Variants in AFAP1 observed in about 807,000 individuals in gnomAD.
AFAP1 encodes actin filament associated protein 1.
In AFAP1, 75 loss-of-function variants were observed where a neutral mutation model predicts 93.9. That is an observed-to-expected ratio of 0.80 (90% CI 0.66 to 0.97). The LOEUF is 0.97. Ranked by LOEUF, AFAP1 falls within the 50% of genes least tolerant of loss-of-function variation. AFAP1 has a pLI of 0.00. For missense variants in AFAP1, 1,201 were observed against 1,050.8 expected (o/e 1.14, Z -1.98); for synonymous variants, 517 against 430.7 (o/e 1.20, Z -2.48).
At chr4:7,923,105 A>ATC (rs1480595349) in intron 1 of AFAP1, among the ~76,000 whole-genome samples, 32 of 150,556 alleles carry the variant, frequency 2.1e-4, no homozygotes, top group African/African-American at 7.6e-4. Context: ...AGAGAGGGAA[A>ATC]AGAGAAATTA....
chr4:7,801,125 T>G (rs1039720526), intron 9 of AFAP1, among the ~76,000 whole-genome samples: 7 of 152,142 alleles, frequency 4.6e-5, no homozygotes, highest in Non-Finnish European at 4.4e-5. Flanking sequence ...AAACAAAAAC[T>G]ATCTAAAAAT....
At chr4:7,853,614 C>T (rs955628153) in intron 4 of AFAP1, among the ~76,000 whole-genome samples, 12 of 152,266 alleles carry the variant, frequency 7.9e-5, no homozygotes, top group South Asian at 2.1e-4. Context: ...CAACTGCACA[C>T]GCCCTCAATT....
intron 1 of AFAP1, among the ~76,000 whole-genome samples, chr4:7,927,996 T>C (rs543552300): frequency 1.3e-5 from 2 of 152,318 alleles, no homozygotes; most frequent in East Asian, 1.9e-4. Context: ...GTATGATCTA[T>C]ACTATACAAA....
intron 1 of AFAP1, among the ~76,000 whole-genome samples, chr4:7,877,668 T>C (rs1717592954): frequency 2.0e-5 from 3 of 152,110 alleles, no homozygotes. Flanking sequence ...CAAACCTGAG[T>C]CCAAAAGCCC....
intron 10 of AFAP1, among the ~76,000 whole-genome samples, chr4:7,794,878 T>G (rs1355946771): frequency 1.3e-5 from 2 of 152,194 alleles, no homozygotes; most frequent in Non-Finnish European, 2.9e-5. Flanking sequence ...TTTAGTGGTA[T>G]TTGAAATCTT....
At chr4:7,774,987 C>A (rs977246111) in intron 14 of AFAP1, 84 bp from the exon 15 acceptor site, 2 of 1,510,550 alleles carry the variant, frequency 1.3e-6, no homozygotes, top group Admixed American at 2.0e-5. Context: ...ACAAAAAATA[C>A]AAAATTAGCC....
intron 4 of AFAP1, among the ~76,000 whole-genome samples, chr4:7,851,855 G>A (rs944941995): frequency 6.6e-6 from 1 of 152,132 alleles, no homozygotes; most frequent in Non-Finnish European, 1.5e-5. Flanking sequence ...CTTCCATCAT[G>A]AAGAGATCAT....
intron 17 of AFAP1, among the ~76,000 whole-genome samples, chr4:7,766,641 CAG>C (rs539508218): frequency 1.2e-3 from 174 of 146,824 alleles, no homozygotes; most frequent in Non-Finnish European, 2.2e-3. Context: ...GAGAGGGTAA[CAG>C]AATCTCCAGG....
At chr4:7,864,421 A>G (rs903316207) in intron 3 of AFAP1, among the ~76,000 whole-genome samples, 1 of 152,232 alleles carries the variant, frequency 6.6e-6, no homozygotes, top group South Asian at 2.1e-4. Context: ...ACTAGCCCAA[A>G]GCCAATTCAT....
chr4:7,901,939 C>T (rs1189448838), intron 1 of AFAP1, among the ~76,000 whole-genome samples: 1 of 152,152 alleles, frequency 6.6e-6, no homozygotes, highest in Non-Finnish European at 1.5e-5. Flanking sequence ...TAGTGGAATG[C>T]ACCCCTCATT....
chr4:7,763,780 C>T lies in AFAP1; in HGVS notation c.2430G>A (p.Leu810=), dbSNP rs760997372. 28 of 1,551,558 alleles carry T rather than the reference C, an allele frequency of 1.8e-5. No individual in the cohort carries two copies. The South Asian group carries it at 3.1e-4, about 17-fold the overall frequency. The change falls in exon 18 of 18, where the codon TTG becomes TTA. Residue 810 remains leucine, a synonymous_variant. Transcript: ENST00000420658. ...CTGCTGTCCCCTAGGTCCCGTTCTT[C>T]AATTCCCATTCCTAGAGGAAAGGAG... is the stretch of plus-strand genomic sequence containing the variant. ...HVLRKAKEWE[L]KNGT
intron 17 of AFAP1, among the ~76,000 whole-genome samples, chr4:7,767,842 G>A (rs572250131): frequency 4.3e-4 from 65 of 152,342 alleles, no homozygotes; most frequent in African/African-American, 1.4e-3. Context: ...CACTTTGGGA[G>A]GTAGGAGGAT....
intron 2 of AFAP1, among the ~76,000 whole-genome samples, chr4:7,869,098 A>AGAAAGG: frequency 6.6e-6 from 1 of 151,750 alleles, no homozygotes; most frequent in South Asian, 2.1e-4. Context: ...AAAGAAAAAG[A>AGAAAGG]GAAAGGGAAA....
At chr4:7,796,655 G>A (rs1718443618) in intron 10 of AFAP1, among the ~76,000 whole-genome samples, 2 of 151,598 alleles carry the variant, frequency 1.3e-5, no homozygotes, top group South Asian at 4.2e-4. Flanking sequence ...GGAGGCTGAA[G>A]CAGGAGAATG....
chr4:7,763,720 C>T lies in AFAP1; in HGVS notation c.*45G>A. On this transcript the variant is annotated 3_prime_UTR_variant, in exon 18 of 18. Coordinates refer to ENST00000420658, the MANE Select transcript of AFAP1 (RefSeq NM_001134647.2). ...GCCGTCACACAGATGAGGATACAGG[C>T]AAGGGGGTGTGCAGTCTCTGAGGCT... The T allele has an allele frequency of 6.4e-7, 1 of 1,551,106 alleles. No homozygotes were observed. The highest frequency in any genetic ancestry group is 8.7e-7 in the Non-Finnish European group (1 of 1,146,490).
chr4:7,893,955 G>C (rs557995319), intron 1 of AFAP1, among the ~76,000 whole-genome samples: 7 of 152,166 alleles, frequency 4.6e-5, no homozygotes, highest in Non-Finnish European at 1.0e-4. Flanking sequence ...CAGCCTCAGC[G>C]AGCCCTGGAG....
intron 3 of AFAP1, 82 bp from the exon 4 acceptor site, chr4:7,855,656 C>A: frequency 9.1e-7 from 1 of 1,099,184 alleles, no homozygotes; most frequent in South Asian, 1.3e-5. Flanking sequence ...CAGGTGTGGC[C>A]AGTCTTTTCC....
chr4:7,806,400 A>C (rs1719519085), intron 9 of AFAP1, among the ~76,000 whole-genome samples: 1 of 152,096 alleles, frequency 6.6e-6, no homozygotes. Flanking sequence ...TCTGTCCTGC[A>C]TTTAGGGGAA....
chr4:7,843,458 G>A, intron 4 of AFAP1, 108 bp from the exon 5 acceptor site: 1 of 1,012,646 alleles, frequency 9.9e-7, no homozygotes, highest in South Asian at 1.8e-5. Context: ...AACTGAATGA[G>A]AAAGGGACCT....
Sources: allele counts gnomAD v4.1 joint callset (sites outside exome capture counted in the v4.1 genomes callset), GRCh38; gene constraint gnomAD v4.1.1; transcripts MANE v1.5; gene names NCBI Gene and HGNC (gene_info 2026-07-23, HGNC 2026-07-21).